GRK2: variants seen among roughly 807,000 people sequenced by gnomAD.
GRK2 encodes the protein adrenergic beta receptor kinase 1.
Under a neutral mutation model 97.8 loss-of-function variants are expected in GRK2, and 23 were observed. The observed-to-expected ratio is 0.24, with a 90% CI of 0.17 to 0.33. The LOEUF (loss-of-function observed/expected upper bound fraction) is 0.33, where lower values mean the gene tolerates loss of function less well. Ranked by LOEUF, GRK2 falls within the 10% of genes least tolerant of loss-of-function variation. The probability of loss-of-function intolerance (pLI) is 1.00; values close to 1 mark genes in which losing one functional copy is unlikely to be tolerated. For missense variants in GRK2, 633 were observed against 956.9 expected (o/e 0.66, Z 4.47); for synonymous variants, 425 against 381.7 (o/e 1.11, Z -1.32).
rs889067753 is a variant in GRK2 at position 67,281,392 on chromosome 11, G to A, written c.648-67G>A. 1.7e-5 allele frequency: 25 copies of A among 1,435,326 alleles called. No homozygotes were observed. The highest frequency in any genetic ancestry group is 1.5e-4 in the African/African-American group (11 of 71,274). 88.9% of individuals were successfully genotyped at this position (1,435,326 alleles called of 1,614,324 possible). A position where few individuals can be genotyped will look rare whatever the true frequency, so the allele number is the denominator to read the frequency against. On this transcript the variant is annotated intron_variant, in intron 8 of 20. Coordinates refer to ENST00000308595, the MANE Select transcript of GRK2 (RefSeq NM_001619.5). The surrounding 1 kb of genome is among the most constrained non-coding windows in gnomAD (Gnocchi z 5.7). ...CCTGGGTCTAGTCTTTCCCTCAAGC[G>A]CCCCCTGAGGCAGCCCTGGGCCCCT...
chr11:67,283,803 C>G, intron 16 of GRK2, 30 bp downstream of exon 16: 1 of 1,612,192 alleles, frequency 6.2e-7, no homozygotes, highest in Non-Finnish European at 8.5e-7. Flanking sequence ...ACTGGGGGTG[C>G]TCTGCAGCCC....
chr11:67,271,602 C>T (rs910377458), intron 1 of GRK2, among the ~76,000 whole-genome samples: 16 of 152,216 alleles, frequency 1.1e-4, no homozygotes, highest in African/African-American at 2.9e-4. Context: ...GTGAAGAAGC[C>T]GTGACATTTG....
chr11:67,284,875 G>A lies in GRK2; in HGVS notation c.1683G>A (p.Met561Ile). ...ACGCCCTGGGCAAGGACTGCATCATGCATGGCTACATGTCCAAGATGGGCA... is the reference window on the plus strand; with the variant it reads ...ACGCCCTGGGCAAGGACTGCATCATACATGGCTACATGTCCAAGATGGGCA... The part of the protein sequence containing the change: ...EDYALGKDCI[M>I]HGYMSKMGNP... Residue 561 changes from methionine (M) to isoleucine (I), a missense_variant, in exon 19 of 21, where the codon ATG becomes ATA. By Grantham distance (10) the Met-to-Ile change is conservative. Transcript: ENST00000308595. 3 of 1,613,370 alleles carry A rather than the reference G, an allele frequency of 1.9e-6. No homozygotes were observed. The highest frequency in any genetic ancestry group is 2.2e-5 in the East Asian group (1 of 44,890).
In GRK2 at chr11:67,284,952, G is replaced by A; in HGVS notation, c.1760G>A (p.Arg587His). 6.2e-7 allele frequency: 1 copy of A among 1,612,962 alleles called. No homozygotes were observed. The highest frequency in any genetic ancestry group is 8.5e-7 in the Non-Finnish European group (1 of 1,179,944). Residue 587 changes from arginine to histidine, a missense_variant, in exon 19 of 21, where the codon CGC becomes CAC. Transcript: ENST00000308595. ...CGGTACTTCTACCTGTTCCCCAACC[G>A]CCTCGAGTGGCGGGGCGAGGGCGAG... ...QRRYFYLFPN[R>H]LEWRGEGEAP... is the part of the protein sequence containing the mutation.
Position 67,285,179 on chromosome 11 carries a change from G to A in GRK2, c.1896G>A (p.Leu632=), listed in dbSNP as rs1185935368. The A allele has an allele frequency of 1.9e-6, 3 of 1,613,542 alleles. No individual in the cohort carries two copies. The East Asian group carries it at 6.7e-5, about 36-fold the overall frequency. ...LKIRGGKQFI[L]QCDSDPELVQ... The stretch of plus-strand genomic sequence containing the variant: ...TCCGCGGTGGGAAACAGTTCATTTT[G>A]CAGTGCGATGTGAGTGGGGGCTGAG... The change falls in exon 20 of 21, where the codon TTG becomes TTA. Residue 632 remains leucine (L), a synonymous_variant. Coordinates refer to ENST00000308595, the MANE Select transcript of GRK2 (RefSeq NM_001619.5).
intron 1 of GRK2, 129 bp downstream of exon 1, chr11:67,266,941 C>T (rs1859814769): frequency 3.1e-6 from 1 of 322,512 alleles, no homozygotes; most frequent in Non-Finnish European, 5.3e-6. Flanking sequence ...CCCCTGTCGG[C>T]CCCCCAGCCC....
intron 20 of GRK2, 24 bp downstream of exon 20, chr11:67,285,212 T>TGGGAGGGCCGAGGGGCCAGGCC (rs1468015342): frequency 6.2e-7 from 1 of 1,612,672 alleles, no homozygotes; most frequent in South Asian, 1.1e-5. Flanking sequence ...GAGCCAGGGA[T>TGGGAGGGCCGAGGGGCCAGGCC]GGGAGGGCCG....
Position 67,282,994 on chromosome 11 carries a change from A to G in GRK2, c.1228-134A>G. ...CTCGCCCTCCCCGTGCTGTTGGAGC[A>G]TGACTGCTGGGCGAGCTAGGATGCT... is the stretch of plus-strand genomic sequence containing the variant. On this transcript the variant is annotated intron_variant, in intron 14 of 20. Transcript: ENST00000308595. This position sits in a 1 kb window ranked among gnomAD's most constrained non-coding sequence, Gnocchi z 6.9. The G allele has an allele frequency of 8.5e-7, 1 of 1,182,430 alleles. No homozygotes were observed. Among genetic ancestry groups the G allele is most frequent in the Non-Finnish European group, 1.2e-6 (1 of 807,220 alleles). The allele number at this position is 1,182,430 out of a possible 1,614,324, so 73.2% of individuals were successfully genotyped here.
intron 1 of GRK2, among the ~76,000 whole-genome samples, chr11:67,268,856 G>A (rs969574083): frequency 6.6e-6 from 1 of 152,236 alleles, no homozygotes; most frequent in Admixed American, 6.5e-5. Context: ...GCATGTAGTA[G>A]TTGCTCAAGA....
chr11:67,284,477 G>A (rs577287986), intron 18 of GRK2, 104 bp downstream of exon 18: 38 of 1,365,056 alleles, frequency 2.8e-5, no homozygotes, highest in Middle Eastern at 2.6e-4. Context: ...AGAAAGTGGC[G>A]GCTCTGGGAT....
chr11:67,284,000 G>C, intron 17 of GRK2, 51 bp downstream of exon 17: 1 of 1,517,146 alleles, frequency 6.6e-7, no homozygotes, highest in South Asian at 1.2e-5. Context: ...CCTGGCCTGG[G>C]GAAGGATCCC....
At position 67,279,877 on chromosome 11, in the gene GRK2, C is replaced by T. The variant is rs143344653; in HGVS notation, c.480C>T (p.Asp160=). The change falls in exon 6 of 21, where the codon GAC becomes GAT. Residue 160 remains aspartate, a synonymous_variant. Coordinates refer to ENST00000308595, the MANE Select transcript of GRK2 (RefSeq NM_001619.5). ...AGATTTGTCAAAACCTCCGAGGGGA[C>T]GTGTTCCAGAAATTCATTGAGAGGT... ...IEEICQNLRG[D]VFQKFIESDK... 438 of 1,613,890 alleles carry T rather than the reference C, an allele frequency of 2.7e-4. 1 individual carries two copies. The highest frequency in any genetic ancestry group is 8.5e-4 in the Admixed American group (51 of 60,010).
intron 1 of GRK2, among the ~76,000 whole-genome samples, chr11:67,275,576 C>T (rs1477827866): frequency 6.6e-6 from 1 of 152,170 alleles, no homozygotes; most frequent in Non-Finnish European, 1.5e-5. Flanking sequence ...GACCAAGCCT[C>T]CTGAGTCCTG....
In GRK2 at chr11:67,269,393, T is replaced by C. The variant is rs1258536365; in HGVS notation, c.113+2581T>C. ...TCCTCGTCACAGAAGAAAGCTGGAATGGGGCCTCGGGTTTCTGGACCACAC... is the reference window on the plus strand; with the variant it reads ...TCCTCGTCACAGAAGAAAGCTGGAACGGGGCCTCGGGTTTCTGGACCACAC... On this transcript the variant is annotated intron_variant, in intron 1 of 20. Transcript: ENST00000308595. The surrounding 1 kb of genome is among the most constrained non-coding windows in gnomAD (Gnocchi z 4.1). 2.6e-5 allele frequency among the ~76,000 whole-genome samples: 4 copies of C among 152,174 alleles called. No individual in the cohort carries two copies. The highest frequency in any genetic ancestry group is 7.2e-5 in the African/African-American group (3 of 41,424).
intron 2 of GRK2, 81 bp from the exon 3 acceptor site, chr11:67,279,119 G>A (rs1391669699): frequency 2.4e-6 from 3 of 1,260,290 alleles, no homozygotes; most frequent in Non-Finnish European, 3.5e-6. Context: ...TCTGCCCAGG[G>A]AGCCCAACCC....
At chr11:67,280,869 G>T (rs1860133789) in intron 7 of GRK2, 86 bp downstream of exon 7, 46 of 1,474,626 alleles carry the variant, frequency 3.1e-5, no homozygotes, top group Non-Finnish European at 4.3e-5. Flanking sequence ...GCTGGGAGGG[G>T]GAGGTCAGGG....
rs1264382181 is a variant in GRK2, at chr11:67,285,176, T to C, written c.1893T>C (p.Ile631=). Residue 631 remains isoleucine, a synonymous_variant, in exon 20 of 21, where the codon ATT becomes ATC. Transcript: ENST00000308595. ...AGATCCGCGGTGGGAAACAGTTCAT[T>C]TTGCAGTGCGATGTGAGTGGGGGCT... ...LLKIRGGKQF[I]LQCDSDPELV... is the part of the protein sequence containing the mutation. 6.2e-7 allele frequency: 1 copy of C among 1,613,478 alleles called. No individual in the cohort carries two copies. The highest frequency in any genetic ancestry group is 8.5e-7 in the Non-Finnish European group (1 of 1,179,934).
chr11:67,286,399 T>TGCCTGTGTGGTGTCGCGCC lies in GRK2; in HGVS notation c.*950_*968dup, dbSNP rs1352691308. 3 of 700,860 alleles carry TGCCTGTGTGGTGTCGCGCC rather than the reference T, an allele frequency of 4.3e-6. No homozygotes were observed. The highest frequency in any genetic ancestry group is 7.8e-6 in the Non-Finnish European group (3 of 384,070). 43.4% of individuals were successfully genotyped at this position (700,860 alleles called of 1,614,324 possible). On this transcript the variant is annotated 3_prime_UTR_variant, in exon 21 of 21. Coordinates refer to ENST00000308595, the MANE Select transcript of GRK2 (RefSeq NM_001619.5). ...GCATGCCCCCTCGTGCCAGTCGCGC[T>TGCCTGTGTGGTGTCGCGCC]GCCTGTGTGGTGTCGCGCCTTCTCC...
At position 67,279,178 on chromosome 11, in the gene GRK2, G is replaced by A. The variant is rs1338958143; in HGVS notation, c.191-22G>A. ...GCCTCTGAGAGAGGCGTGGCTCTGT[G>A]ACCTTACACTGTTGCCTTCAGGGTA... is the stretch of plus-strand genomic sequence containing the variant. On this transcript the variant is annotated intron_variant, in intron 2 of 20. Transcript: ENST00000308595. The A allele has an allele frequency of 2.5e-6, 4 of 1,608,132 alleles. No individual in the cohort carries two copies. In the Admixed American group the frequency reaches 6.7e-5, roughly 27 times the overall value.
Sources: allele counts gnomAD v4.1 joint callset (sites outside exome capture counted in the v4.1 genomes callset), GRCh38; gene constraint gnomAD v4.1.1; non-coding constraint Gnocchi (gnomAD v3.1); transcripts MANE v1.5; gene names NCBI Gene and HGNC (gene_info 2026-07-23, HGNC 2026-07-21).